PTPRN2: variants seen among roughly 807,000 people sequenced by gnomAD.
The protein encoded by PTPRN2 is protein tyrosine phosphatase receptor type N2.
Under a neutral mutation model 118.8 loss-of-function variants are expected in PTPRN2, and 74 were observed. The observed-to-expected ratio is 0.62, with a 90% CI of 0.52 to 0.76. The LOEUF (loss-of-function observed/expected upper bound fraction) is 0.76. Ranked by LOEUF, PTPRN2 falls within the 30% of genes least tolerant of loss-of-function variation. The probability of loss-of-function intolerance (pLI) is 0.00; values close to 1 mark genes in which losing one functional copy is unlikely to be tolerated. For synonymous variants in PTPRN2, 641 were observed against 608.0 expected (o/e 1.05, Z -0.80); for missense variants, 1,481 against 1,394.4 (o/e 1.06, Z -0.99).
At chr7:157,791,535 C>A (rs1196720987) in intron 12 of PTPRN2, among the ~76,000 whole-genome samples, 1 of 147,418 alleles carries the variant, frequency 6.8e-6, no homozygotes. Flanking sequence ...CACCCGCCCC[C>A]GCTCCCTGCA....
chr7:158,210,436 C>T (rs897592248), intron 3 of PTPRN2, among the ~76,000 whole-genome samples: 1 of 151,968 alleles, frequency 6.6e-6, no homozygotes, highest in Admixed American at 6.6e-5. Flanking sequence ...AAGAGCAAAC[C>T]AAACCCAAAA....
chr7:157,814,511 GGGC>G (rs1806267366), intron 12 of PTPRN2, among the ~76,000 whole-genome samples: 4 of 146,268 alleles, frequency 2.7e-5, no homozygotes, highest in African/African-American at 7.9e-5. Context: ...GGGCAGGACG[GGGC>G]AGGACGGGGA....
chr7:158,441,472 A>G (rs1268524359), intron 2 of PTPRN2, among the ~76,000 whole-genome samples: 21 of 135,892 alleles, frequency 1.5e-4, no homozygotes, highest in Admixed American at 5.0e-4. Context: ...AGTGATGGTC[A>G]TGGCAGTGGT....
At chr7:158,146,988 C>G (rs370995871) in intron 6 of PTPRN2, among the ~76,000 whole-genome samples, 16 of 78,614 alleles carry the variant, frequency 2.0e-4, no homozygotes, top group South Asian at 5.9e-4. Context: ...GTCTTTCCCC[C>G]TCAATGACAC....
At chr7:158,046,790 G>A (rs1279150858) in intron 11 of PTPRN2, among the ~76,000 whole-genome samples, 1 of 152,116 alleles carries the variant, frequency 6.6e-6, no homozygotes, top group South Asian at 2.1e-4. Context: ...TTTTGGAGAC[G>A]GCAGGACGGG....
chr7:157,982,872 T>C (rs1803406283), intron 11 of PTPRN2, among the ~76,000 whole-genome samples: 1 of 134,310 alleles, frequency 7.4e-6, no homozygotes, highest in South Asian at 2.6e-4. Flanking sequence ...GAGTACCGGG[T>C]TCCCCCCTAA....
chr7:157,854,183 G>A (rs1333150783), intron 12 of PTPRN2, among the ~76,000 whole-genome samples: 1 of 152,228 alleles, frequency 6.6e-6, no homozygotes, highest in African/African-American at 2.4e-5. Flanking sequence ...CATCACTGAC[G>A]ATGCAGCACT....
At chr7:157,890,732 AC>A (rs1796751496) in intron 12 of PTPRN2, among the ~76,000 whole-genome samples, 1 of 152,174 alleles carries the variant, frequency 6.6e-6, no homozygotes, top group Admixed American at 6.5e-5. Context: ...CTGACATTTC[AC>A]CTGCCCCCAG....
chr7:158,332,321 C>G (rs1353502451), intron 2 of PTPRN2, among the ~76,000 whole-genome samples: 3 of 47,166 alleles, frequency 6.4e-5, no homozygotes, highest in Non-Finnish European at 1.1e-4. Flanking sequence ...ACACTCTCAC[C>G]ATAAGAGCTG....
chr7:158,041,010 C>T (rs897822485), intron 11 of PTPRN2, among the ~76,000 whole-genome samples: 7 of 152,200 alleles, frequency 4.6e-5, no homozygotes, highest in East Asian at 1.9e-4. Context: ...GGATCACAGG[C>T]GTGAGCCGCC....
intron 2 of PTPRN2, among the ~76,000 whole-genome samples, chr7:158,336,521 C>CGT (rs1805567781): frequency 7.6e-6 from 1 of 132,058 alleles, no homozygotes; most frequent in African/African-American, 2.8e-5. Flanking sequence ...ACACTCTCAC[C>CGT]ATAAGAGGTG....
chr7:157,603,963 AG>A lies in PTPRN2; in HGVS notation c.2418+38del, dbSNP rs758725057. ...TGATTTGCCGCGTCCGTGCCACCCA[AG>A]GGAAAGCCTGGGGCCCCTGTCCCGG... is the stretch of plus-strand genomic sequence containing the variant. On this transcript the variant is annotated intron_variant, in intron 16 of 22. Coordinates refer to ENST00000389418, the MANE Select transcript of PTPRN2 (RefSeq NM_002847.5). This position sits in a 1 kb window ranked among gnomAD's most constrained non-coding sequence, Gnocchi z 5.4. The A allele has an allele frequency of 6.3e-7, 1 of 1,580,184 alleles. No individual in the cohort carries two copies. The highest frequency in any genetic ancestry group is 1.1e-5 in the South Asian group (1 of 90,336).
At chr7:157,857,685 A>C (rs1386992876) in intron 12 of PTPRN2, 1 of 152,302 alleles carries the variant, frequency 6.6e-6, no homozygotes, top group Non-Finnish European at 1.5e-5. Context: ...AAGTTCACAC[A>C]GCAAAGTTTC....
At position 158,231,867 on chromosome 7, in the gene PTPRN2, G is replaced by T. The variant is rs1829182731; in HGVS notation, c.278-26594C>A. ...TGGGAATTAAACCTCCTTCTAAATG[G>T]CCAATGAGTCAATGAAGAAGTTAAG... On this transcript the variant is annotated intron_variant, in intron 3 of 22. Coordinates refer to ENST00000389418, the MANE Select transcript of PTPRN2 (RefSeq NM_002847.5). 1.3e-5 allele frequency among the ~76,000 whole-genome samples: 2 copies of T among 152,046 alleles called. 1 individual carries two copies. Among genetic ancestry groups the T allele is most frequent in the South Asian group, 4.2e-4 (2 of 4,812 alleles).
intron 3 of PTPRN2, among the ~76,000 whole-genome samples, chr7:158,235,705 T>C (rs1218005683): frequency 6.6e-6 from 1 of 152,160 alleles, no homozygotes; most frequent in Non-Finnish European, 1.5e-5. Flanking sequence ...AACAATAATG[T>C]ATGTATGTTT....
chr7:157,775,663 G>A lies in PTPRN2; in HGVS notation c.1789-92726C>T, dbSNP rs188909361. Reference sequence around the variant, plus strand: ...GTGGGGCTGAGGCGGGCGCAGCCTCGGGGCAGTCCCCACACAAGGGCAGGA... The same window carrying A: ...GTGGGGCTGAGGCGGGCGCAGCCTCAGGGCAGTCCCCACACAAGGGCAGGA... On this transcript the variant is annotated intron_variant, in intron 12 of 22. Coordinates refer to ENST00000389418, the MANE Select transcript of PTPRN2 (RefSeq NM_002847.5). 3.5e-3 allele frequency among the ~76,000 whole-genome samples: 540 copies of A among 152,254 alleles called. 2 individuals carry two copies. Among genetic ancestry groups the A allele is most frequent in the Non-Finnish European group, 5.6e-3 (379 of 67,992 alleles).
chr7:157,714,591 A>C (rs1176199244), intron 12 of PTPRN2, among the ~76,000 whole-genome samples: 4 of 152,232 alleles, frequency 2.6e-5, no homozygotes, highest in African/African-American at 9.6e-5. Context: ...GAAAATCAAT[A>C]TTCCAAACCC....
At chr7:158,080,647 A>G (rs1812749533) in intron 11 of PTPRN2, among the ~76,000 whole-genome samples, 1 of 152,056 alleles carries the variant, frequency 6.6e-6, no homozygotes, top group South Asian at 2.1e-4. Flanking sequence ...CTGTTCTTCA[A>G]GACTCTGGAG....
chr7:158,382,466 A>G (rs1052388920), intron 2 of PTPRN2, among the ~76,000 whole-genome samples: 3 of 152,352 alleles, frequency 2.0e-5, no homozygotes, highest in Admixed American at 1.3e-4. Flanking sequence ...AAAGAAATGC[A>G]TAAATCTGTC....
Sources: gnomAD v4.1 joint callset for allele counts (sites outside exome capture counted in the v4.1 genomes callset) on GRCh38, gnomAD v4.1.1 for gene constraint, Gnocchi (gnomAD v3.1) non-coding constraint, MANE v1.5 for transcripts, NCBI Gene and HGNC (gene_info 2026-07-23, HGNC 2026-07-21) for gene names.